GUF1: variants seen among roughly 807,000 people sequenced by gnomAD.
GUF1 encodes the protein GTP binding elongation factor GUF1, also known as translation factor GUF1, mitochondrial.
In GUF1, 78 loss-of-function variants were observed where a neutral mutation model predicts 82.4. That is an observed-to-expected ratio of 0.95 (90% confidence interval 0.79 to 1.14). The LOEUF is 1.14. Among genes scored for constraint, GUF1 ranks in the 50% most tolerant of loss-of-function variants. The pLI is 0.00. For missense variants in GUF1, 814 were observed against 798.2 expected (o/e 1.02, Z -0.24); for synonymous variants, 279 against 282.3 (o/e 0.99, Z 0.12).
At chr4:44,697,523 C>A in intron 16 of GUF1, 79 bp downstream of exon 16, 2 of 698,550 alleles carry the variant, frequency 2.9e-6, no homozygotes, top group Non-Finnish European at 2.3e-6. Flanking sequence ...TTATTGATTT[C>A]CATTGTTGGT....
chr4:44,693,828 A>G (rs1715603024), intron 13 of GUF1: 1 of 152,274 alleles, frequency 6.6e-6, no homozygotes, highest in South Asian at 2.1e-4. Context: ...GTGCTAAGCT[A>G]GGCTCTGTTT....
chr4:44,680,424 G>C lies in GUF1; in HGVS notation c.166-17G>C. 1 of 1,234,284 alleles carries C rather than the reference G, an allele frequency of 8.1e-7. No homozygotes were observed. Among genetic ancestry groups the C allele is most frequent in the Non-Finnish European group, 1.2e-6 (1 of 845,890 alleles). 76.5% of individuals were successfully genotyped at this position (1,234,284 alleles called of 1,614,324 possible). On this transcript the variant is annotated splice_polypyrimidine_tract_variant and intron_variant, in intron 1 of 16. Coordinates refer to ENST00000281543, the MANE Select transcript of GUF1 (RefSeq NM_021927.3). Reference sequence around the variant, plus strand: ...TGCCAAATTTATACTCCTAAATGTGGTATTTCCCCTTTCTAGGAAAAACTT... The same window carrying C: ...TGCCAAATTTATACTCCTAAATGTGCTATTTCCCCTTTCTAGGAAAAACTT...
At chr4:44,686,122 T>TTA in intron 7 of GUF1, 99 bp downstream of exon 7, 1 of 821,874 alleles carries the variant, frequency 1.2e-6, no homozygotes, top group Non-Finnish European at 2.0e-6. Context: ...AACTGTTATT[T>TTA]TAGCTTAATG....
chr4:44,689,206 A>G, intron 9 of GUF1, 80 bp from the exon 10 acceptor site: 1 of 1,256,408 alleles, frequency 8.0e-7, no homozygotes, highest in Non-Finnish European at 1.0e-6. Flanking sequence ...CTAATTTGGA[A>G]CTTGGCAGCA....
At chr4:44,682,854 A>C (rs1219584332) in intron 5 of GUF1, among the ~76,000 whole-genome samples, 1 of 152,060 alleles carries the variant, frequency 6.6e-6, no homozygotes, top group Non-Finnish European at 1.5e-5. Context: ...CTTTAATTAT[A>C]TTTCTTGATA....
intron 1 of GUF1, 41 bp downstream of exon 1, chr4:44,678,828 CGTTGGA>C (rs766670886): frequency 1.3e-6 from 2 of 1,524,758 alleles, no homozygotes; most frequent in South Asian, 2.6e-5. Flanking sequence ...AGTTTTCAAA[CGTTGGA>C]GTGCCCCATG....
At chr4:44,698,423 A>C (rs1319836184) in intron 16 of GUF1, 121 bp from the exon 17 acceptor site, 1 of 688,882 alleles carries the variant, frequency 1.5e-6, no homozygotes, top group Non-Finnish European at 2.4e-6. Context: ...GATTAGAGAG[A>C]TGTCTGCCTT....
At position 44,681,053 on chromosome 4, in the gene GUF1, A is replaced by G. The variant is rs911503223; in HGVS notation, c.427-70A>G. 3 of 1,357,564 alleles carry G rather than the reference A, an allele frequency of 2.2e-6. No individual in the cohort carries two copies. In the South Asian group the frequency reaches 3.6e-5, roughly 16 times the overall value. 84.1% of individuals were successfully genotyped at this position (1,357,564 alleles called of 1,614,324 possible). ...ACAGCTTTTATCAAGTAAAGTCAAT[A>G]AATTTGCCATAATGCTCTTTCCTAA... On this transcript the variant is annotated intron_variant, in intron 3 of 16. Transcript: ENST00000281543.
chr4:44,691,575 A>G lies in GUF1; in HGVS notation c.1480-91A>G, dbSNP rs1008526492. 1.6e-5 allele frequency: 15 copies of G among 942,314 alleles called. No individual in the cohort carries two copies. The Admixed American group carries it at 2.3e-4, about 14-fold the overall frequency. The allele number at this position is 942,314 out of a possible 1,614,324, so 58.4% of individuals were successfully genotyped here. A position where few individuals can be genotyped will look rare whatever the true frequency, so the allele number is the denominator to read the frequency against. On this transcript the variant is annotated intron_variant, in intron 12 of 16. Transcript: ENST00000281543. ...TCTCTCTGGATTATAAATACTGCCT[A>G]TAAGTTTTTACTAGACCTTTAGAGA...
rs1181039747 is a variant in GUF1, at chr4:44,699,929, G to A, written c.*1248G>A. ...ATTTCATAATCGAAGCGATTTTAGA[G>A]TAGTTAACTTGAGATTTCACAGCCA... On this transcript the variant is annotated 3_prime_UTR_variant, in exon 17 of 17. Transcript: ENST00000281543. 1.4e-4 allele frequency: 21 copies of A among 152,192 alleles called. No individual in the cohort carries two copies. The highest frequency in any genetic ancestry group is 1.4e-3 in the Admixed American group (21 of 15,286). 9.4% of individuals were successfully genotyped at this position (152,192 alleles called of 1,614,324 possible).
Position 44,688,024 on chromosome 4 carries a change from GCTAT to G in GUF1, c.959_962del (p.Tyr320Ter), listed in dbSNP as rs1715167975. ...TTATTTAGATATGCAGGACAGGTGG[GCTAT>G]CTGATTGCTGGGATGAAAGATGTCA... On this transcript the variant is annotated frameshift_variant, in exon 9 of 17. Coordinates refer to ENST00000281543, the MANE Select transcript of GUF1 (RefSeq NM_021927.3). LOFTEE classifies it high-confidence loss of function. 6.2e-7 allele frequency: 1 copy of G among 1,611,786 alleles called. No homozygotes were observed. Among genetic ancestry groups the G allele is most frequent in the Non-Finnish European group, 8.5e-7 (1 of 1,178,344 alleles).
intron 10 of GUF1, 67 bp from the exon 11 acceptor site, chr4:44,689,776 A>C: frequency 1.1e-6 from 1 of 922,852 alleles, no homozygotes; most frequent in East Asian, 2.9e-5. Context: ...CAATATGTTC[A>C]TTAAAAAAAA....
rs1716100058 is a variant in GUF1, at chr4:44,699,728, T to C, written c.*1047T>C. ...GACATCAAATAACAGACATCTGCTC[T>C]AGTTAATGATAAAATGTTTATAGAT... is the stretch of plus-strand genomic sequence containing the variant. On this transcript the variant is annotated 3_prime_UTR_variant, in exon 17 of 17. Coordinates refer to ENST00000281543, the MANE Select transcript of GUF1 (RefSeq NM_021927.3). 1 of 152,236 alleles carries C rather than the reference T, an allele frequency of 6.6e-6. No homozygotes were observed. The highest frequency in any genetic ancestry group is 2.4e-5 in the African/African-American group (1 of 41,470). 9.4% of individuals were successfully genotyped at this position (152,236 alleles called of 1,614,324 possible).
chr4:44,688,781 G>GA (rs1053310354), intron 9 of GUF1, among the ~76,000 whole-genome samples: 11 of 152,012 alleles, frequency 7.2e-5, no homozygotes, highest in Admixed American at 5.9e-4. Flanking sequence ...GGTGTCAGAT[G>GA]AAAGAGAATC....
chr4:44,684,545 G>T (rs1260578450), intron 6 of GUF1, among the ~76,000 whole-genome samples: 1 of 152,064 alleles, frequency 6.6e-6, no homozygotes, highest in Non-Finnish European at 1.5e-5. Context: ...CAGTCATTCA[G>T]GTAGCCTTAC....
intron 16 of GUF1, among the ~76,000 whole-genome samples, chr4:44,697,722 A>G (rs535140845): frequency 1.3e-5 from 2 of 152,318 alleles, no homozygotes; most frequent in Admixed American, 6.5e-5. Flanking sequence ...AGTTATTTCT[A>G]TGATCTGGGT....
At position 44,693,622 on chromosome 4, in the gene GUF1, C is replaced by T. The variant is rs188738443; in HGVS notation, c.1614-790C>T. ...GAAACCAAATATAATTTTGCAAGTC[C>T]AGGCACCAATTGTTTTAAAATTAAG... is the stretch of plus-strand genomic sequence containing the variant. On this transcript the variant is annotated intron_variant, in intron 13 of 16. Transcript: ENST00000281543. 3.3e-5 allele frequency among the ~76,000 whole-genome samples: 5 copies of T among 152,160 alleles called. No homozygotes were observed. In the East Asian group the frequency reaches 9.7e-4, roughly 29 times the overall value.
chr4:44,691,653 C>T lies in GUF1; in HGVS notation c.1480-13C>T. 6.3e-7 allele frequency: 1 copy of T among 1,580,806 alleles called. No individual in the cohort carries two copies. Among genetic ancestry groups the T allele is most frequent in the African/African-American group, 1.4e-5 (1 of 73,622 alleles). ...GGTTATCATTAAACCCATTTTCTTC[C>T]TTCCCTTTTTAGGCTCGAAGAGCAG... is the stretch of plus-strand genomic sequence containing the variant. On this transcript the variant is annotated splice_polypyrimidine_tract_variant and intron_variant, in intron 12 of 16. Transcript: ENST00000281543.
intron 14 of GUF1, among the ~76,000 whole-genome samples, chr4:44,695,397 A>G (rs1052706391): frequency 3.3e-5 from 5 of 152,206 alleles, no homozygotes; most frequent in Admixed American, 1.3e-4. Flanking sequence ...AACAGTTTCT[A>G]TTGTCTAATG....
Sources: gnomAD v4.1 joint callset for allele counts (sites outside exome capture counted in the v4.1 genomes callset) on GRCh38, gnomAD v4.1.1 for gene constraint, MANE v1.5 for transcripts, NCBI Gene and HGNC (gene_info 2026-07-23, HGNC 2026-07-21) for gene names.